GIMAP6: variants seen among roughly 807,000 people sequenced by gnomAD.
The protein encoded by GIMAP6 is GTPase IMAP family member 6.
Under a neutral mutation model 9.3 loss-of-function variants are expected in GIMAP6, and 6 were observed. That is an observed-to-expected ratio of 0.65 (90% CI 0.35 to 1.27). The LOEUF (loss-of-function observed/expected upper bound fraction) is 1.27. Among genes scored for constraint, GIMAP6 ranks in the 50% most tolerant of loss-of-function variants. The pLI, the probability that GIMAP6 is intolerant of heterozygous loss-of-function variation, is 0.03. For synonymous variants in GIMAP6, 156 were observed against 151.1 expected (o/e 1.03, Z -0.24); for missense variants, 333 against 359.5 (o/e 0.93, Z 0.60).
chr7:150,629,280 C>A (rs764012200), intron 2 of GIMAP6, among the ~76,000 whole-genome samples: 3 of 152,190 alleles, frequency 2.0e-5, no homozygotes, highest in Admixed American at 6.5e-5. Context: ...GAATAGCTAA[C>A]CTTGATTGCT....
In GIMAP6 at chr7:150,628,441, T is replaced by C. The variant is rs150982153; in HGVS notation, c.157A>G (p.Lys53Glu). Reference sequence around the variant, plus strand: ...AGGATGCTGTTTCCTGTTGCACTCTTCCCACTCCCTGTTTTCCCCATGAGA... The same window carrying C: ...AGGATGCTGTTTCCTGTTGCACTCTCCCCACTCCCTGTTTTCCCCATGAGA... ...LILMGKTGSG[K>E]SATGNSILGR... The change falls in exon 3 of 3, where the codon AAG becomes GAG. Residue 53 changes from lysine to glutamate, a missense_variant. By Grantham distance (56) the Lys-to-Glu change is moderately conservative (BLOSUM62 1). Transcript: ENST00000328902. The C allele has an allele frequency of 8.6e-5, 139 of 1,614,068 alleles. No homozygotes were observed. Among genetic ancestry groups the C allele is most frequent in the Non-Finnish European group, 2.1e-5 (25 of 1,180,030 alleles).
chr7:150,627,485 G>A lies in GIMAP6; in HGVS notation c.*234C>T. 1.7e-6 allele frequency: 1 copy of A among 592,984 alleles called. No homozygotes were observed. Among genetic ancestry groups the A allele is most frequent in the Non-Finnish European group, 3.0e-6 (1 of 332,552 alleles). 36.7% of individuals were successfully genotyped at this position (592,984 alleles called of 1,614,324 possible). A position where few individuals can be genotyped will look rare whatever the true frequency, so the allele number is the denominator to read the frequency against. ...AGAAGGTCCAATAGGAAGACAGCGT[G>A]CTGTTGGGGCACAGAGGAGGGAGGA... On this transcript the variant is annotated 3_prime_UTR_variant, in exon 3 of 3. Coordinates refer to ENST00000328902, the MANE Select transcript of GIMAP6 (RefSeq NM_024711.6).
chr7:150,628,584 GC>G (rs1796341165), intron 2 of GIMAP6, 72 bp from the exon 3 acceptor site: 1 of 1,599,316 alleles, frequency 6.3e-7, no homozygotes, highest in Non-Finnish European at 8.5e-7. Context: ...ATCACCAGGA[GC>G]CTCTGGGTGT....
At chr7:150,628,614 C>A (rs775547235) in intron 2 of GIMAP6, 102 bp from the exon 3 acceptor site, 2 of 1,591,934 alleles carry the variant, frequency 1.3e-6, no homozygotes, top group Admixed American at 3.4e-5. Flanking sequence ...ACTGCAGGGG[C>A]AGATTGTAAA....
rs566038621 is a variant in GIMAP6 at position 150,626,061 on chromosome 7, T to C, written c.*1658A>G. 6 of 152,366 alleles carry C rather than the reference T, an allele frequency of 3.9e-5. No individual in the cohort carries two copies. The highest frequency in any genetic ancestry group is 1.4e-4 in the African/African-American group (6 of 41,584). The allele number at this position is 152,366 out of a possible 1,614,324, so 9.4% of individuals were successfully genotyped here. On this transcript the variant is annotated 3_prime_UTR_variant, in exon 3 of 3. Coordinates refer to ENST00000328902, the MANE Select transcript of GIMAP6 (RefSeq NM_024711.6). ...TCTGTGCTCTGCTTTGAGACACTTT[T>C]CTGAATCTGTTAGCAAGAGAAATGC...
At position 150,630,143 on chromosome 7, in the gene GIMAP6, CTA is replaced by C. The variant is rs1796367564; in HGVS notation, c.1-3_1-2del. On this transcript the variant is annotated splice_acceptor_variant and splice_polypyrimidine_tract_variant and intron_variant, in intron 1 of 2. Transcript: ENST00000328902. LOFTEE classifies it low-confidence loss of function (5UTR_SPLICE). ...TTTGTTCATATTCTTCTTCCTCCAT[CTA>C]CAAAAAAAAAAAAAAAAAAAAAATC... The C allele has an allele frequency of 2.5e-6, 2 of 800,356 alleles. No homozygotes were observed. Among genetic ancestry groups the C allele is most frequent in the Non-Finnish European group, 3.5e-6 (2 of 574,454 alleles). 49.6% of individuals were successfully genotyped at this position (800,356 alleles called of 1,614,324 possible). A position where few individuals can be genotyped will look rare whatever the true frequency, so the allele number is the denominator to read the frequency against.
chr7:150,630,214 C>A, intron 1 of GIMAP6, 72 bp from the exon 2 acceptor site: 1 of 1,229,842 alleles, frequency 8.1e-7, no homozygotes. Flanking sequence ...CAGCCACCTG[C>A]CTTTCGCCTT....
chr7:150,627,418 A>G lies in GIMAP6; in HGVS notation c.*301T>C. On this transcript the variant is annotated 3_prime_UTR_variant, in exon 3 of 3. Transcript: ENST00000328902. ...GCCCTCAAGAAACTTTGGTTCTATC[A>G]GAGTATAGACAAGTAACTCATGAAA... 2.3e-6 allele frequency: 1 copy of G among 443,712 alleles called. No individual in the cohort carries two copies. Among genetic ancestry groups the G allele is most frequent in the Non-Finnish European group, 4.1e-6 (1 of 245,528 alleles). 27.5% of individuals were successfully genotyped at this position (443,712 alleles called of 1,614,324 possible).
At chr7:150,628,552 G>A in intron 2 of GIMAP6, 40 bp from the exon 3 acceptor site, 1 of 1,605,744 alleles carries the variant, frequency 6.2e-7, no homozygotes, top group Non-Finnish European at 8.5e-7. Context: ...CTGGGGTAAG[G>A]GCCCATGTAC....
rs58764098 is a variant in GIMAP6 at position 150,630,146 on chromosome 7, C to CAAAAAAA, written c.1-11_1-5dup. The CAAAAAAA allele has an allele frequency of 1.7e-5, 16 of 936,260 alleles. No homozygotes were observed. Among genetic ancestry groups the CAAAAAAA allele is most frequent in the South Asian group, 9.7e-5 (4 of 41,312 alleles). The allele number at this position is 936,260 out of a possible 1,614,324, so 58.0% of individuals were successfully genotyped here. On this transcript the variant is annotated splice_polypyrimidine_tract_variant and splice_region_variant and intron_variant, in intron 1 of 2. Coordinates refer to ENST00000328902, the MANE Select transcript of GIMAP6 (RefSeq NM_024711.6). ...GTTCATATTCTTCTTCCTCCATCTA[C>CAAAAAAA]AAAAAAAAAAAAAAAAAAAAAATCA...
chr7:150,629,633 T>G (rs1796358380), intron 2 of GIMAP6, among the ~76,000 whole-genome samples: 2 of 152,102 alleles, frequency 1.3e-5, no homozygotes, highest in African/African-American at 4.8e-5. Flanking sequence ...CACAAGGCGC[T>G]TTCAAACTTA....
rs760761936 is a variant in GIMAP6 at position 150,625,805 on chromosome 7, T to A, written c.*1914A>T. 3.9e-5 allele frequency: 6 copies of A among 152,136 alleles called. No homozygotes were observed. The highest frequency in any genetic ancestry group is 7.2e-5 in the African/African-American group (3 of 41,422). 9.4% of individuals were successfully genotyped at this position (152,136 alleles called of 1,614,324 possible). On this transcript the variant is annotated 3_prime_UTR_variant, in exon 3 of 3. Coordinates refer to ENST00000328902, the MANE Select transcript of GIMAP6 (RefSeq NM_024711.6). ...ATAAAAATGAAGACTGAGGCAAAAA[T>A]TGGCTCCCACATTATAGTCAAAGCC...
Position 150,628,510 on chromosome 7 carries a change from G to T in GIMAP6, c.88C>A (p.Leu30Ile). 4 of 1,613,128 alleles carry T rather than the reference G, an allele frequency of 2.5e-6. No homozygotes were observed. The highest frequency in any genetic ancestry group is 3.4e-6 in the Non-Finnish European group (4 of 1,180,012). ...QDPVLELSGGLREKEQKTPRR... is the reference protein window; with the variant it reads ...QDPVLELSGGIREKEQKTPRR... ...GGGGTCTTCTGTTCTTTCTCCCTTA[G>T]ACCTAGAAATATCCAAAGAAAGCAG... Residue 30 changes from leucine (L) to isoleucine (I), a missense_variant and splice_region_variant, in exon 3 of 3, where the codon CTA becomes ATA. Physicochemically the swap from Leu to Ile is conservative, Grantham distance 5. Coordinates refer to ENST00000328902, the MANE Select transcript of GIMAP6 (RefSeq NM_024711.6).
In GIMAP6 at chr7:150,628,375, C is replaced by A. The variant is rs372777404; in HGVS notation, c.223G>T (p.Val75Leu). The part of the protein sequence containing the change: ...VFESKLSTRP[V>L]TKTSQRRSRE... ...CTCCGTCTCTGGGAGGTCTTGGTCA[C>A]GGGTCTGGTGCTGAGTTTAGACTCG... The change falls in exon 3 of 3, where the codon GTG (valine) becomes TTG (leucine). Residue 75 changes from valine to leucine, a missense_variant. By Grantham distance (32) the Val-to-Leu change is conservative (BLOSUM62 1). Coordinates refer to ENST00000328902, the MANE Select transcript of GIMAP6 (RefSeq NM_024711.6). 1 of 1,614,050 alleles carries A rather than the reference C, an allele frequency of 6.2e-7. No homozygotes were observed.
Position 150,627,564 on chromosome 7 carries a change from TG to T in GIMAP6, c.*154del. ...GAACTGGAATGTGATCTGGGCATGCTGGACCCTGTCCTCAAGCCCCATGCCC... is the reference window on the plus strand; with the variant it reads ...GAACTGGAATGTGATCTGGGCATGCTGACCCTGTCCTCAAGCCCCATGCCC... On this transcript the variant is annotated 3_prime_UTR_variant, in exon 3 of 3. Coordinates refer to ENST00000328902, the MANE Select transcript of GIMAP6 (RefSeq NM_024711.6). 1.2e-6 allele frequency: 1 copy of T among 833,532 alleles called. No homozygotes were observed. Among genetic ancestry groups the T allele is most frequent in the Non-Finnish European group, 2.0e-6 (1 of 512,268 alleles). The allele number at this position is 833,532 out of a possible 1,614,324, so 51.6% of individuals were successfully genotyped here. A position where few individuals can be genotyped will look rare whatever the true frequency, so the allele number is the denominator to read the frequency against.
chr7:150,630,090 A>G lies in GIMAP6; in HGVS notation c.53T>C (p.Leu18Pro). ...QIPQENPPEE[L>P]SQDPVLELSG... Reference sequence around the variant, plus strand: ...CAGCTCCAGCACAGGATCCTGGGACAGCTCTTCTGGGGGATTCTCCTGGGG... The same window carrying G: ...CAGCTCCAGCACAGGATCCTGGGACGGCTCTTCTGGGGGATTCTCCTGGGG... The change falls in exon 2 of 3, where the codon CTG becomes CCG. Residue 18 changes from leucine (L) to proline (P), a missense_variant. Coordinates refer to ENST00000328902, the MANE Select transcript of GIMAP6 (RefSeq NM_024711.6). The G allele has an allele frequency of 6.3e-7, 1 of 1,586,210 alleles. No individual in the cohort carries two copies. Among genetic ancestry groups the G allele is most frequent in the Non-Finnish European group, 8.5e-7 (1 of 1,170,886 alleles).
rs1796366316 is a variant in GIMAP6, at chr7:150,630,110, C to G, written c.33G>C (p.Gln11His). Reference protein sequence around the residue: MEEEEYEQIPQENPPEELSQD... With the variant: MEEEEYEQIPHENPPEELSQD... ...GGGACAGCTCTTCTGGGGGATTCTC[C>G]TGGGGAATTTGTTCATATTCTTCTT... The change falls in exon 2 of 3, where the codon CAG (glutamine) becomes CAC (histidine). Residue 11 changes from glutamine (Q) to histidine (H), a missense_variant. By Grantham distance (24) the Gln-to-His change is conservative. Transcript: ENST00000328902. The G allele has an allele frequency of 6.4e-7, 1 of 1,560,542 alleles. No individual in the cohort carries two copies. Among genetic ancestry groups the G allele is most frequent in the Admixed American group, 2.0e-5 (1 of 49,262 alleles).
intron 2 of GIMAP6, 31 bp from the exon 3 acceptor site, chr7:150,628,543 TG>T: frequency 6.2e-7 from 1 of 1,607,904 alleles, no homozygotes; most frequent in Non-Finnish European, 8.5e-7. Flanking sequence ...CAGAGGGAAC[TG>T]GGGTAAGGGC....
At chr7:150,628,583 A>T in intron 2 of GIMAP6, 71 bp from the exon 3 acceptor site, 1 of 1,599,878 alleles carries the variant, frequency 6.3e-7, no homozygotes, top group Non-Finnish European at 8.5e-7. Context: ...CATCACCAGG[A>T]GCCTCTGGGT....
Sources: gnomAD v4.1 joint callset for allele counts (sites outside exome capture counted in the v4.1 genomes callset) on GRCh38, gnomAD v4.1.1 for gene constraint, MANE v1.5 for transcripts, NCBI Gene and HGNC (gene_info 2026-07-23, HGNC 2026-07-21) for gene names.